Variants in GPC5 observed in about 807,000 individuals in gnomAD.
GPC5 encodes glypican-5.
GPC5 carries 47 observed loss-of-function variants against 53.9 expected under a neutral mutation model. That is an observed-to-expected ratio of 0.87 (90% CI 0.69 to 1.11). The LOEUF is 1.11. Ranked by LOEUF, GPC5 falls within the 50% of genes most tolerant of loss-of-function variation. The pLI is 0.00. For synonymous variants in GPC5, 286 were observed against 263.3 expected (o/e 1.09, Z -0.84); for missense variants, 748 against 713.1 (o/e 1.05, Z -0.56).
chr13:91,854,004 T>C (rs1005617702), intron 5 of GPC5, among the ~76,000 whole-genome samples: 2 of 151,862 alleles, frequency 1.3e-5, no homozygotes, highest in Admixed American at 1.3e-4. Flanking sequence ...TGGTTATTTT[T>C]TTTCCTGAAA....
At chr13:91,583,235 T>A (rs1277216223) in intron 2 of GPC5, among the ~76,000 whole-genome samples, 1 of 151,880 alleles carries the variant, frequency 6.6e-6, no homozygotes, top group Non-Finnish European at 1.5e-5. Flanking sequence ...GTAAAAGAAA[T>A]AAAAGGAATA....
intron 7 of GPC5, among the ~76,000 whole-genome samples, chr13:92,242,988 T>C (rs1187462948): frequency 6.6e-6 from 1 of 152,228 alleles, no homozygotes; most frequent in Admixed American, 6.5e-5. Flanking sequence ...CATTCTGCAC[T>C]TCAGTCTTGT....
intron 7 of GPC5, among the ~76,000 whole-genome samples, chr13:92,218,739 C>T (rs2139084887): frequency 6.6e-6 from 1 of 152,134 alleles, no homozygotes; most frequent in African/African-American, 2.4e-5. Context: ...TAGATCAAGC[C>T]CAGTAGTGTG....
chr13:92,039,651 G>T (rs1453720491), intron 6 of GPC5, among the ~76,000 whole-genome samples: 1 of 152,186 alleles, frequency 6.6e-6, no homozygotes, highest in East Asian at 1.9e-4. Flanking sequence ...CATATTTCTG[G>T]AGGGTAAATG....
intron 5 of GPC5, among the ~76,000 whole-genome samples, chr13:91,862,948 C>G (rs936524829): frequency 1.3e-5 from 2 of 151,340 alleles, no homozygotes; most frequent in African/African-American, 4.9e-5. Context: ...TGCTTTGCTT[C>G]TCCTTCCTTT....
At chr13:92,015,814 A>G (rs2040701643) in intron 6 of GPC5, among the ~76,000 whole-genome samples, 1 of 152,236 alleles carries the variant, frequency 6.6e-6, no homozygotes, top group Non-Finnish European at 1.5e-5. Context: ...AACAAATGCC[A>G]AGCAGATAAA....
intron 2 of GPC5, among the ~76,000 whole-genome samples, chr13:91,674,400 CAT>C (rs148433294): frequency 6.4e-5 from 9 of 139,942 alleles, no homozygotes; most frequent in Admixed American, 1.4e-4. Flanking sequence ...TACACACACA[CAT>C]ATATATATAT....
intron 7 of GPC5, among the ~76,000 whole-genome samples, chr13:92,708,820 T>A (rs1594440908): frequency 6.7e-6 from 1 of 149,700 alleles, no homozygotes; most frequent in South Asian, 2.1e-4. Context: ...AACTGTGATT[T>A]ACATGTGCCT....
chr13:91,702,369 C>T (rs2036011496), intron 3 of GPC5, among the ~76,000 whole-genome samples: 1 of 152,062 alleles, frequency 6.6e-6, no homozygotes. Context: ...CTTGCTAAGA[C>T]TAATGTCAAG....
rs183658766 is a variant in GPC5 at position 91,455,815 on chromosome 13, C to T, written c.325+6893C>T. On this transcript the variant is annotated intron_variant, in intron 2 of 7. Transcript: ENST00000377067. Reference sequence around the variant, plus strand: ...TATTAGCTGTATATGATTTTTTTCTCAATTTCCAGTTCCCAAAACACACAC... The same window carrying T: ...TATTAGCTGTATATGATTTTTTTCTTAATTTCCAGTTCCCAAAACACACAC... Among the ~76,000 whole-genome samples, 104 of 152,106 alleles carry T rather than the reference C, an allele frequency of 6.8e-4. No individual in the cohort carries two copies. The Middle Eastern group carries it at 0.024, about 35-fold the overall frequency.
chr13:92,624,326 T>C (rs1433910337), intron 7 of GPC5, among the ~76,000 whole-genome samples: 1 of 152,154 alleles, frequency 6.6e-6, no homozygotes, highest in Non-Finnish European at 1.5e-5. Flanking sequence ...TGCCTCGGCC[T>C]CCCAAAATGC....
At chr13:92,705,269 G>T (rs559968160) in intron 7 of GPC5, among the ~76,000 whole-genome samples, 2 of 152,036 alleles carry the variant, frequency 1.3e-5, no homozygotes, top group Non-Finnish European at 2.9e-5. Flanking sequence ...TTCTAGTGAG[G>T]TTCTATATTC....
chr13:92,237,540 C>T (rs183704236), intron 7 of GPC5, among the ~76,000 whole-genome samples: 43 of 152,114 alleles, frequency 2.8e-4, no homozygotes, highest in Non-Finnish European at 4.6e-4. Flanking sequence ...TTAAATTTTC[C>T]ACATTAGCAT....
At chr13:92,742,993 C>T (rs1305880017) in intron 7 of GPC5, among the ~76,000 whole-genome samples, 4 of 151,994 alleles carry the variant, frequency 2.6e-5, no homozygotes, top group Non-Finnish European at 5.9e-5. Flanking sequence ...AGCCTTGTAG[C>T]ATAGTTTGAA....
chr13:92,520,663 C>T lies in GPC5; in HGVS notation c.1562-345619C>T, dbSNP rs926861418. Reference sequence around the variant, plus strand: ...ATCAGAGGTGTTTATGACAAACCCACAGCCAGTATCATACTGAATGGGCAC... The same window carrying T: ...ATCAGAGGTGTTTATGACAAACCCATAGCCAGTATCATACTGAATGGGCAC... On this transcript the variant is annotated intron_variant, in intron 7 of 7. Coordinates refer to ENST00000377067, the MANE Select transcript of GPC5 (RefSeq NM_004466.6). 2.0e-5 allele frequency among the ~76,000 whole-genome samples: 3 copies of T among 152,132 alleles called. No homozygotes were observed. The South Asian group carries it at 6.2e-4, about 32-fold the overall frequency.
At chr13:92,315,971 A>T (rs1162103390) in intron 7 of GPC5, among the ~76,000 whole-genome samples, 1 of 152,182 alleles carries the variant, frequency 6.6e-6, no homozygotes, top group Non-Finnish European at 1.5e-5. Flanking sequence ...AGAAAAGAAT[A>T]AGTTGTTCAT....
chr13:91,398,653 C>A lies in GPC5; in HGVS notation c.-394C>A, dbSNP rs868445305. The stretch of plus-strand genomic sequence containing the variant: ...GTTAGCTGCTGCGAGCCGAGCCGGG[C>A]GGCGGAGGCGGCGGCGGCGGCGGCA... On this transcript the variant is annotated 5_prime_UTR_variant, in exon 1 of 8. Transcript: ENST00000377067. The A allele has an allele frequency of 2.3e-4, 31 of 137,466 alleles. No individual in the cohort carries two copies. The highest frequency in any genetic ancestry group is 3.0e-3 in the Middle Eastern group (1 of 336). 8.5% of individuals were successfully genotyped at this position (137,466 alleles called of 1,614,324 possible). A position where few individuals can be genotyped will look rare whatever the true frequency, so the allele number is the denominator to read the frequency against.
At chr13:91,523,091 A>T (rs1280623754) in intron 2 of GPC5, among the ~76,000 whole-genome samples, 3 of 152,220 alleles carry the variant, frequency 2.0e-5, no homozygotes, top group Non-Finnish European at 2.9e-5. Flanking sequence ...ACAAAAGATA[A>T]CAAGTGTTGG....
intron 5 of GPC5, among the ~76,000 whole-genome samples, chr13:91,856,142 G>A (rs2038964539): frequency 6.6e-6 from 1 of 151,466 alleles, no homozygotes; most frequent in South Asian, 2.1e-4. Flanking sequence ...TTGCTAAGTA[G>A]TATTCCATTG....
Sources: gnomAD v4.1 joint callset for allele counts (sites outside exome capture counted in the v4.1 genomes callset) on GRCh38, gnomAD v4.1.1 for gene constraint, MANE v1.5 for transcripts, NCBI Gene and HGNC (gene_info 2026-07-23, HGNC 2026-07-21) for gene names.